The following ZNF286A variants were observed in gnomAD, a reference collection of about 807,000 sequenced individuals.
ZNF286A encodes the protein zinc finger protein 286A.
In ZNF286A, 34 loss-of-function variants were observed where a neutral mutation model predicts 49.3. That is an observed-to-expected ratio of 0.69 (90% CI 0.52 to 0.92). The LOEUF is 0.92. Among genes scored for constraint, ZNF286A ranks in the 40% least tolerant of loss-of-function variants. The pLI is 0.00. For missense variants in ZNF286A, 462 were observed against 600.2 expected (o/e 0.77, Z 2.41); for synonymous variants, 155 against 200.4 (o/e 0.77, Z 1.91).
chr17:15,708,575 T>C (rs72819900), intron 5 of ZNF286A, among the ~76,000 whole-genome samples: 3,379 of 152,254 alleles, frequency 0.022, 56 homozygotes, highest in South Asian at 0.046. Flanking sequence ...ATCAAGAAAA[T>C]AGCCTTACCA....
rs770835612 is a variant in ZNF286A, at chr17:15,708,115, A to G, written c.242-40A>G. ...CTTCCACAAATAACTTACTCCCATT[A>G]CTTTCTTCTTTCTGTCTTTTTCTTT... On this transcript the variant is annotated intron_variant, in intron 4 of 5. Coordinates refer to ENST00000583566, the MANE Select transcript of ZNF286A (RefSeq NM_001130842.2). 8.3e-6 allele frequency: 12 copies of G among 1,452,448 alleles called. No homozygotes were observed. In the Admixed American group the frequency reaches 2.5e-4, roughly 31 times the overall value. The allele number at this position is 1,452,448 out of a possible 1,614,324, so 90.0% of individuals were successfully genotyped here. A position where few individuals can be genotyped will look rare whatever the true frequency, so the allele number is the denominator to read the frequency against.
chr17:15,702,264 C>T (rs1347576022), intron 3 of ZNF286A, among the ~76,000 whole-genome samples: 1 of 152,198 alleles, frequency 6.6e-6, no homozygotes, highest in Non-Finnish European at 1.5e-5. Context: ...CCTGTAATCC[C>T]AGCACTTTGA....
chr17:15,715,882 A>G (rs1252403036), intron 5 of ZNF286A, 177 bp from the exon 6 acceptor site: 20 of 1,458,350 alleles, frequency 1.4e-5, no homozygotes, highest in Non-Finnish European at 1.6e-5. Context: ...TTTTCTCTGC[A>G]TAGTCTGAGC....
rs1967326841 is a variant in ZNF286A, at chr17:15,720,695, A to T, written c.*3405A>T. Reference sequence around the variant, plus strand: ...CATGAATCTTGGAAATTTTAATGTTATGCATTTCAAATGTTTTTGGTTATC... The same window carrying T: ...CATGAATCTTGGAAATTTTAATGTTTTGCATTTCAAATGTTTTTGGTTATC... On this transcript the variant is annotated 3_prime_UTR_variant, in exon 6 of 6. Coordinates refer to ENST00000583566, the MANE Select transcript of ZNF286A (RefSeq NM_001130842.2). 5 of 150,712 alleles carry T rather than the reference A, an allele frequency of 3.3e-5. No individual in the cohort carries two copies. In the South Asian group the frequency reaches 1.1e-3, roughly 32 times the overall value. 9.3% of individuals were successfully genotyped at this position (150,712 alleles called of 1,614,324 possible). A position where few individuals can be genotyped will look rare whatever the true frequency, so the allele number is the denominator to read the frequency against.
chr17:15,712,716 G>A (rs59733381), intron 5 of ZNF286A, among the ~76,000 whole-genome samples: 49,942 of 151,102 alleles, frequency 0.33, 7,795 homozygotes, highest in South Asian at 0.42. Context: ...TTGTGATTCC[G>A]CCTTTGCCCT....
chr17:15,710,528 A>C (rs1257982944), intron 5 of ZNF286A, among the ~76,000 whole-genome samples: 2 of 152,208 alleles, frequency 1.3e-5, no homozygotes, highest in African/African-American at 2.4e-5. Flanking sequence ...GTTCCTCAGC[A>C]TACTTAGTTC....
intron 3 of ZNF286A, chr17:15,704,638 A>T: frequency 6.2e-7 from 1 of 1,613,944 alleles, no homozygotes; most frequent in Non-Finnish European, 8.5e-7. Context: ...ATTGGCGCCC[A>T]CGTTCGGGTG....
At chr17:15,704,687 CA>C (rs1990069298) in intron 3 of ZNF286A, 1 of 1,613,836 alleles carries the variant, frequency 6.2e-7, no homozygotes, top group Admixed American at 1.7e-5. Context: ...GGTGGGGAGG[CA>C]GGGAAGTCCT....
intron 3 of ZNF286A, among the ~76,000 whole-genome samples, chr17:15,701,724 T>A (rs2151449023): frequency 6.6e-6 from 1 of 152,330 alleles, no homozygotes; most frequent in Non-Finnish European, 1.5e-5. Context: ...AGAGTTACAG[T>A]TAGAATCCAG....
intron 3 of ZNF286A, among the ~76,000 whole-genome samples, chr17:15,702,577 C>G (rs1396116366): frequency 6.6e-6 from 1 of 151,740 alleles, no homozygotes; most frequent in Non-Finnish European, 1.5e-5. Context: ...TGGCATACCA[C>G]AACCCAGAGA....
At position 15,716,421 on chromosome 17, in the gene ZNF286A, A is replaced by C; in HGVS notation, c.697A>C (p.Lys233Gln). 2 of 1,613,338 alleles carry C rather than the reference A, an allele frequency of 1.2e-6. No individual in the cohort carries two copies. The highest frequency in any genetic ancestry group is 1.7e-6 in the Non-Finnish European group (2 of 1,179,784). Reference sequence around the variant, plus strand: ...GAAACAAAAATCAAACTTAATGAAAAAGCAGAGAACTTATAAAGAGAAAAA... The same window carrying C: ...GAAACAAAAATCAAACTTAATGAAACAGCAGAGAACTTATAAAGAGAAAAA... The part of the protein sequence containing the change: ...SLKQKSNLMK[K>Q]QRTYKEKKPH... Residue 233 changes from lysine to glutamine, a missense_variant, in exon 6 of 6, where the codon AAG (lysine) becomes CAG (glutamine). Around this residue, in one of 3 missense-constraint regions of ZNF286A, gnomAD observed 259 missense variants for 272.2 expected, o/e 0.95. Transcript: ENST00000583566.
chr17:15,712,834 G>T lies in ZNF286A; in HGVS notation c.335-3225G>T, dbSNP rs985710089. Among the ~76,000 whole-genome samples the T allele has an allele frequency of 2.0e-4, 30 of 151,956 alleles. No individual in the cohort carries two copies. In the East Asian group the frequency reaches 5.6e-3, roughly 28 times the overall value. The stretch of plus-strand genomic sequence containing the variant: ...TTGAATGGCTTCTCGCTGCCTTCAC[G>T]GTAACAGACAAAATCCTGGAGGTCT... On this transcript the variant is annotated intron_variant, in intron 5 of 5. Coordinates refer to ENST00000583566, the MANE Select transcript of ZNF286A (RefSeq NM_001130842.2).
intron 3 of ZNF286A, chr17:15,704,142 C>A: frequency 9.8e-7 from 1 of 1,017,298 alleles, no homozygotes; most frequent in African/African-American, 1.6e-5. Flanking sequence ...CCCTCCCCGA[C>A]CCCAGCCATA....
At chr17:15,714,399 A>C (rs911368091) in intron 5 of ZNF286A, among the ~76,000 whole-genome samples, 1 of 152,152 alleles carries the variant, frequency 6.6e-6, no homozygotes, top group Non-Finnish European at 1.5e-5. Context: ...GGATTCATGG[A>C]CCATACTTGA....
chr17:15,714,585 A>G (rs190178353), intron 5 of ZNF286A, among the ~76,000 whole-genome samples: 1 of 152,176 alleles, frequency 6.6e-6, no homozygotes, highest in Non-Finnish European at 1.5e-5. Context: ...GGATACTGTT[A>G]TTGCCCTCTC....
chr17:15,708,264 GGA>G lies in ZNF286A; in HGVS notation c.334+19_334+20del. The G allele has an allele frequency of 6.4e-7, 1 of 1,555,486 alleles. No individual in the cohort carries two copies. Among genetic ancestry groups the G allele is most frequent in the South Asian group, 1.2e-5 (1 of 80,534 alleles). The stretch of plus-strand genomic sequence containing the variant: ...GCTATTCAGGTGAGCCAGATAGATG[GGA>G]GTCTTCATAAATGATAGCCCAGCAG... On this transcript the variant is annotated intron_variant, in intron 5 of 5. Coordinates refer to ENST00000583566, the MANE Select transcript of ZNF286A (RefSeq NM_001130842.2).
chr17:15,717,426 A>G lies in ZNF286A; in HGVS notation c.*136A>G. ...GCATCTAATTTCATTTGCGTAATAC[A>G]TAGTTTTGAGCCATAAGCAGGTTCT... On this transcript the variant is annotated 3_prime_UTR_variant, in exon 6 of 6. Coordinates refer to ENST00000583566, the MANE Select transcript of ZNF286A (RefSeq NM_001130842.2). 2.1e-6 allele frequency: 3 copies of G among 1,416,744 alleles called. No individual in the cohort carries two copies. The highest frequency in any genetic ancestry group is 2.4e-5 in the East Asian group (1 of 40,972). The allele number at this position is 1,416,744 out of a possible 1,614,324, so 87.8% of individuals were successfully genotyped here.
chr17:15,708,201 A>G lies in ZNF286A; in HGVS notation c.288A>G (p.Lys96=). 2 of 1,596,896 alleles carry G rather than the reference A, an allele frequency of 1.3e-6. No individual in the cohort carries two copies. Among genetic ancestry groups the G allele is most frequent in the East Asian group, 2.3e-5 (1 of 43,814 alleles). The part of the protein sequence containing the change: ...KPESYNLENG[K]EPLKLERKAP... ...AGAGCTACAACTTGGAGAATGGAAA[A>G]GAACCATTGAAGCTTGAGAGAAAAG... Residue 96 remains lysine (K), a synonymous_variant, in exon 5 of 6, where the codon AAA becomes AAG. Transcript: ENST00000583566.
At chr17:15,714,181 C>CTT (rs55778736) in intron 5 of ZNF286A, among the ~76,000 whole-genome samples, 1 of 142,348 alleles carries the variant, frequency 7.0e-6, no homozygotes. Flanking sequence ...ATAAAACTGG[C>CTT]TTTTTTTTTT....
Sources: allele counts gnomAD v4.1 joint callset (sites outside exome capture counted in the v4.1 genomes callset), GRCh38; gene constraint gnomAD v4.1.1; regional missense constraint gnomAD v4.1.1; transcripts MANE v1.5; gene names NCBI Gene and HGNC (gene_info 2026-07-23, HGNC 2026-07-21).